KIAA0825: variants seen among roughly 807,000 people sequenced by gnomAD.
The protein encoded by KIAA0825 is KIAA0825, also known as uncharacterized protein KIAA0825.
KIAA0825 carries 119 observed loss-of-function variants against 147.6 expected under a neutral mutation model. The ratio of observed to expected loss-of-function variants is 0.81; its 90% CI spans 0.69 to 0.94. KIAA0825 has a LOEUF of 0.94. Among genes scored for constraint, KIAA0825 ranks in the 40% least tolerant of loss-of-function variants. The probability of loss-of-function intolerance (pLI) is 0.00; values close to 1 mark genes in which losing one functional copy is unlikely to be tolerated. For synonymous variants in KIAA0825, 470 were observed against 518.1 expected (o/e 0.91, Z 1.26); for missense variants, 1,381 against 1,472.7 (o/e 0.94, Z 1.02).
chr5:94,360,152 G>A (rs1744864943), intron 20 of KIAA0825, among the ~76,000 whole-genome samples: 1 of 151,998 alleles, frequency 6.6e-6, no homozygotes, highest in Non-Finnish European at 1.5e-5. Flanking sequence ...TGTGAATTAG[G>A]TCCTAAAGGT....
At chr5:94,428,837 T>C (rs145768621) in intron 14 of KIAA0825, among the ~76,000 whole-genome samples, 2 of 152,288 alleles carry the variant, frequency 1.3e-5, no homozygotes, top group African/African-American at 4.8e-5. Context: ...TGCCAATAAT[T>C]AATGGACTTG....
chr5:94,187,320 A>G (rs1770210572), intron 20 of KIAA0825, among the ~76,000 whole-genome samples: 1 of 150,894 alleles, frequency 6.6e-6, no homozygotes, highest in Non-Finnish European at 1.5e-5. Flanking sequence ...ACTGTTGTGA[A>G]ATTAGGGATG....
At chr5:94,481,717 C>T (rs1762517367) in intron 6 of KIAA0825, among the ~76,000 whole-genome samples, 1 of 152,126 alleles carries the variant, frequency 6.6e-6, no homozygotes, top group Non-Finnish European at 1.5e-5. Context: ...AGCTAAGGAA[C>T]TCTTAGAAGC....
intron 1 of KIAA0825, among the ~76,000 whole-genome samples, chr5:94,608,904 T>A (rs1788164056): frequency 6.6e-6 from 1 of 152,040 alleles, no homozygotes; most frequent in African/African-American, 2.4e-5. Context: ...TCTATTAAGA[T>A]TTGGAAAATC....
chr5:94,391,601 A>T lies in KIAA0825; in HGVS notation c.3390T>A (p.Asp1130Glu), dbSNP rs1456206917. Reference protein sequence around the residue: ...TEQKINTMVLDLCHKPGGREY... With the variant: ...TEQKINTMVLELCHKPGGREY... ...CCCTGCCACCTGGTTTGTGGCAGAG[A>T]TCCAGGACCATCGTGTTTATTTTCT... Residue 1130 changes from aspartate to glutamate, a missense_variant, in exon 18 of 21, where the codon GAT (aspartate) becomes GAA (glutamate). Transcript: ENST00000682413. The T allele has an allele frequency of 6.4e-7, 1 of 1,551,644 alleles. No individual in the cohort carries two copies. The highest frequency in any genetic ancestry group is 8.7e-7 in the Non-Finnish European group (1 of 1,146,960).
chr5:94,192,962 CT>C (rs1374116278), intron 20 of KIAA0825, among the ~76,000 whole-genome samples: 1 of 152,180 alleles, frequency 6.6e-6, no homozygotes, highest in Non-Finnish European at 1.5e-5. Context: ...ACTATATTAT[CT>C]TCATTTTTGC....
At chr5:94,216,168 T>A (rs935674296) in intron 20 of KIAA0825, among the ~76,000 whole-genome samples, 3 of 152,150 alleles carry the variant, frequency 2.0e-5, no homozygotes, top group Non-Finnish European at 4.4e-5. Flanking sequence ...TTATTATTAG[T>A]TTGGAATTAT....
intron 5 of KIAA0825, among the ~76,000 whole-genome samples, chr5:94,509,941 G>T (rs1323514619): frequency 6.6e-6 from 1 of 152,104 alleles, no homozygotes; most frequent in Non-Finnish European, 1.5e-5. Context: ...CTGTTTTACT[G>T]CACTACAAAA....
chr5:94,297,534 A>G (rs1484303406), intron 20 of KIAA0825, among the ~76,000 whole-genome samples: 1 of 152,222 alleles, frequency 6.6e-6, no homozygotes, highest in South Asian at 2.1e-4. Context: ...TCAGAGTTCA[A>G]TAAAGAAAAA....
At chr5:94,163,871 A>T (rs1364639656) in intron 20 of KIAA0825, among the ~76,000 whole-genome samples, 4 of 152,194 alleles carry the variant, frequency 2.6e-5, no homozygotes, top group Non-Finnish European at 4.4e-5. Flanking sequence ...ACTCTGGGAA[A>T]CTGTCTCAAT....
chr5:94,457,075 TA>T (rs1759206575), intron 12 of KIAA0825, among the ~76,000 whole-genome samples: 1 of 152,220 alleles, frequency 6.6e-6, no homozygotes, highest in African/African-American at 2.4e-5. Context: ...TAAGAGATAT[TA>T]TGGCAGATGT....
chr5:94,546,338 GT>G (rs1774350103), intron 2 of KIAA0825, among the ~76,000 whole-genome samples: 1 of 152,138 alleles, frequency 6.6e-6, no homozygotes, highest in Admixed American at 6.5e-5. Context: ...TTCCCCACCT[GT>G]TGTATAGAGA....
rs1459121681 is a variant in KIAA0825 at position 94,194,055 on chromosome 5, T to C, written c.3711-39931A>G. Among the ~76,000 whole-genome samples the C allele has an allele frequency of 2.6e-5, 4 of 152,150 alleles. No individual in the cohort carries two copies. In the East Asian group the frequency reaches 7.7e-4, roughly 29 times the overall value. On this transcript the variant is annotated intron_variant, in intron 20 of 20. Transcript: ENST00000682413. ...AAACCCAAGGTAAAGGTCAAACCAA[T>C]AGAGACAGAACAGCTGGTCAATTTC...
chr5:94,382,419 C>T (rs1562440433), intron 20 of KIAA0825, among the ~76,000 whole-genome samples: 1 of 152,104 alleles, frequency 6.6e-6, no homozygotes, highest in Non-Finnish European at 1.5e-5. Flanking sequence ...CAATATTAAA[C>T]AAAACTCATA....
chr5:94,227,020 C>T (rs1316993186), intron 20 of KIAA0825, among the ~76,000 whole-genome samples: 1 of 151,854 alleles, frequency 6.6e-6, no homozygotes, highest in East Asian at 1.9e-4. Context: ...CTAGAAATAC[C>T]ATTTGACCCA....
At chr5:94,594,851 A>G in intron 1 of KIAA0825, 1 of 347,176 alleles carries the variant, frequency 2.9e-6, no homozygotes, top group South Asian at 2.7e-5. Flanking sequence ...ATTTTAATTA[A>G]GTGGCCTGAC....
intron 20 of KIAA0825, among the ~76,000 whole-genome samples, chr5:94,375,637 T>C (rs536308992): frequency 1.3e-5 from 2 of 152,084 alleles, no homozygotes; most frequent in Non-Finnish European, 2.9e-5. Flanking sequence ...AGGCAAAGGA[T>C]TGGAGATGAT....
intron 2 of KIAA0825, among the ~76,000 whole-genome samples, chr5:94,540,954 G>C (rs1773178049): frequency 6.6e-6 from 1 of 152,174 alleles, no homozygotes; most frequent in South Asian, 2.1e-4. Context: ...AAATGCTCTT[G>C]TATATAAATT....
chr5:94,300,159 A>G (rs1185152370), intron 20 of KIAA0825, among the ~76,000 whole-genome samples: 1 of 152,042 alleles, frequency 6.6e-6, no homozygotes, highest in East Asian at 1.9e-4. Flanking sequence ...CTTAACATAT[A>G]TATTTAAAAA....
Sources: gnomAD v4.1 joint callset for allele counts (sites outside exome capture counted in the v4.1 genomes callset) on GRCh38, gnomAD v4.1.1 for gene constraint, MANE v1.5 for transcripts, NCBI Gene and HGNC (gene_info 2026-07-23, HGNC 2026-07-21) for gene names.